Variants in FBN3 observed in about 807,000 individuals in gnomAD.
FBN3 encodes fibrillin-3.
A neutral mutation model predicts 330.1 loss-of-function variants in FBN3; 234 were observed. The ratio of observed to expected loss-of-function variants is 0.71; its 90% CI spans 0.64 to 0.79. FBN3 has a LOEUF of 0.79. FBN3 is among the 30% of genes least tolerant of loss of function. The pLI is 0.00. For missense variants in FBN3, 3,606 were observed against 3,886.9 expected (o/e 0.93, Z 1.92); for synonymous variants, 1,458 against 1,517.3 (o/e 0.96, Z 0.91).
At position 8,102,765 on chromosome 19, in the gene FBN3, G is replaced by A; in HGVS notation, c.5048C>T (p.Ala1683Val). 1 of 1,614,042 alleles carries A rather than the reference G, an allele frequency of 6.2e-7. No homozygotes were observed. Among genetic ancestry groups the A allele is most frequent in the Non-Finnish European group, 8.5e-7 (1 of 1,180,016 alleles). The change falls in exon 40 of 64, where the codon GCC (alanine) becomes GTC (valine). Residue 1683 changes from alanine (A) to valine (V), a missense_variant. By Grantham distance (64) the Ala-to-Val change is moderately conservative. Coordinates refer to ENST00000600128, the MANE Select transcript of FBN3 (RefSeq NM_032447.5). Reference protein sequence around the residue: ...MCCCSYNIGQAWNRPCEACPT... With the variant: ...MCCCSYNIGQVWNRPCEACPT... ...GCAGGCCTCACAGGGTCTATTCCAG[G>A]CCTGGCCAATGTTGTAGGAGCAGCA...
chr19:8,112,037 G>A lies in FBN3; in HGVS notation c.3901C>T (p.Pro1301Ser), dbSNP rs150945472. Residue 1301 changes from proline (P) to serine (S), a missense_variant, in exon 31 of 64, where the codon CCG becomes TCG. By Grantham distance (74) the Pro-to-Ser change is moderately conservative. Transcript: ENST00000600128. ...AGGCACCTACAGCTGAAACTCCCCG[G>A]GATGTTGAGACAGGAGGCGTGACTG... is the stretch of plus-strand genomic sequence containing the variant. ...CDSHASCLNI[P>S]GSFSCRCLPG... The A allele has an allele frequency of 6.2e-7, 1 of 1,612,526 alleles. No homozygotes were observed. Among genetic ancestry groups the A allele is most frequent in the Non-Finnish European group, 8.5e-7 (1 of 1,179,382 alleles).
At position 8,110,230 on chromosome 19, in the gene FBN3, T is replaced by C. The variant is rs1056979922; in HGVS notation, c.4334-477A>G. On this transcript the variant is annotated intron_variant, in intron 34 of 63. Transcript: ENST00000600128. ...ACCACAATGCCCAGCTAATTTTTTATTTTTACTTTTTAGAGATGAGGTCTC... is the reference window on the plus strand; with the variant it reads ...ACCACAATGCCCAGCTAATTTTTTACTTTTACTTTTTAGAGATGAGGTCTC... 1.5e-4 allele frequency among the ~76,000 whole-genome samples: 23 copies of C among 152,186 alleles called. No individual in the cohort carries two copies. In the East Asian group the frequency reaches 4.1e-3, roughly 27 times the overall value.
chr19:8,091,505 TG>T lies in FBN3; in HGVS notation c.5990del (p.Pro1997HisfsTer89), dbSNP rs761705640. 9.3e-6 allele frequency: 15 copies of T among 1,613,800 alleles called. No homozygotes were observed. Among genetic ancestry groups the T allele is most frequent in the Non-Finnish European group, 1.3e-5 (15 of 1,179,972 alleles). ...CATTGTCAGAGAGGACAAAGCCAGG[TG>T]GGCAGAGGCACTGGAAGCTCCCAGG... ...NSPGSFQCLCPPGFVLSDNGH... is the reference protein window; with the variant it reads ...NSPGSFQCLCXPGFVLSDNGH... On this transcript the variant is annotated frameshift_variant, in exon 48 of 64. Coordinates refer to ENST00000600128, the MANE Select transcript of FBN3 (RefSeq NM_032447.5). LOFTEE classifies it high-confidence loss of function.
In FBN3 at chr19:8,095,952, G is replaced by A. The variant is rs369346144; in HGVS notation, c.5656+12C>T. On this transcript the variant is annotated intron_variant, in intron 45 of 63. Coordinates refer to ENST00000600128, the MANE Select transcript of FBN3 (RefSeq NM_032447.5). ...CCACTTTGTGGCCAGCCTGCCACCT[G>A]AGCCGACTCACCCACACAATCCCCA... 2.5e-5 allele frequency: 39 copies of A among 1,577,358 alleles called. No individual in the cohort carries two copies. The Middle Eastern group carries it at 5.0e-4, about 20-fold the overall frequency.
chr19:8,118,242 TC>T (rs2082755880), intron 26 of FBN3, among the ~76,000 whole-genome samples: 1 of 151,968 alleles, frequency 6.6e-6, no homozygotes, highest in South Asian at 2.1e-4. Flanking sequence ...TGCATTTGCA[TC>T]CAACTACACA....
chr19:8,091,644 G>A, intron 47 of FBN3, 54 bp from the exon 48 acceptor site: 1 of 1,596,936 alleles, frequency 6.3e-7, no homozygotes, highest in Non-Finnish European at 8.6e-7. Context: ...CTCCATCAGT[G>A]GGGAGAGGAC....
intron 38 of FBN3, among the ~76,000 whole-genome samples, 182 bp from the exon 39 acceptor site, chr19:8,103,869 G>A (rs2082382549): frequency 6.6e-6 from 1 of 152,180 alleles, no homozygotes. Flanking sequence ...GGGCATGGTG[G>A]CTCATGCCTG....
intron 63 of FBN3, among the ~76,000 whole-genome samples, chr19:8,070,218 A>G (rs970797450): frequency 2.0e-5 from 3 of 152,240 alleles, no homozygotes; most frequent in Non-Finnish European, 4.4e-5. Context: ...TCTAATATAG[A>G]AAGCCTCTCA....
In FBN3 at chr19:8,138,505, C is replaced by T. The variant is rs868409562; in HGVS notation, c.925G>A (p.Ala309Thr). The T allele has an allele frequency of 6.8e-6, 11 of 1,612,598 alleles. No individual in the cohort carries two copies. Among genetic ancestry groups the T allele is most frequent in the South Asian group, 3.3e-5 (3 of 91,050 alleles). ...CACTGCCTGCGAGTGTAGTGGCCGG[C>T]GAGGTCTCCAGCACAGCGGCCCCCG... ...LFGGRCAGDLAGHYTRRQCCC... is the reference protein window; with the variant it reads ...LFGGRCAGDLTGHYTRRQCCC... The change falls in exon 9 of 64, where the codon GCC becomes ACC. Residue 309 changes from alanine to threonine, a missense_variant. By Grantham distance (58) the Ala-to-Thr change is moderately conservative. Transcript: ENST00000600128.
intron 57 of FBN3, among the ~76,000 whole-genome samples, chr19:8,082,420 GTTTC>G (rs1466416292): frequency 3.1e-5 from 4 of 127,948 alleles, no homozygotes; most frequent in South Asian, 5.1e-4. Flanking sequence ...CTTTCTCTTT[GTTTC>G]TTTCTCTCTC....
At position 8,136,397 on chromosome 19, in the gene FBN3, C is replaced by G; in HGVS notation, c.1336G>C (p.Glu446Gln). The change falls in exon 11 of 64, where the codon GAG becomes CAG. Residue 446 changes from glutamate (E) to glutamine (Q), a missense_variant. Physicochemically the swap from Glu to Gln is conservative, Grantham distance 29 (BLOSUM62 2). Coordinates refer to ENST00000600128, the MANE Select transcript of FBN3 (RefSeq NM_032447.5). ...CCTGGCCGCGGCTCACCAATGCACTCGCCGCGCACGTCCTGGGTGTAGCCC... is the reference window on the plus strand; with the variant it reads ...CCTGGCCGCGGCTCACCAATGCACTGGCCGCGCACGTCCTGGGTGTAGCCC... ...NVGYTQDVRG[E>Q]CIDVDECTSS... is the part of the protein sequence containing the mutation. 1 of 1,613,824 alleles carries G rather than the reference C, an allele frequency of 6.2e-7. No homozygotes were observed. Among genetic ancestry groups the G allele is most frequent in the Non-Finnish European group, 8.5e-7 (1 of 1,179,838 alleles).
chr19:8,113,982 C>T (rs1265394934), intron 30 of FBN3, among the ~76,000 whole-genome samples: 1 of 150,986 alleles, frequency 6.6e-6, no homozygotes, highest in Non-Finnish European at 1.5e-5. Context: ...CAGAGTGAGA[C>T]ACTATCTCAC....
chr19:8,108,981 G>A (rs2082512113), intron 36 of FBN3, among the ~76,000 whole-genome samples: 1 of 152,122 alleles, frequency 6.6e-6, no homozygotes, highest in Non-Finnish European at 1.5e-5. Context: ...AATATTTGTT[G>A]ACTGACTGAG....
intron 37 of FBN3, among the ~76,000 whole-genome samples, chr19:8,107,474 A>AGGATGGATGGAT (rs150449542): frequency 7.0e-6 from 1 of 143,124 alleles, no homozygotes; most frequent in East Asian, 2.3e-4. Context: ...GTCGAGTGGA[A>AGGATGGATGGAT]GGATGGATGG....
At chr19:8,142,808 C>G (rs1467903335) in intron 6 of FBN3, among the ~76,000 whole-genome samples, 4 of 151,334 alleles carry the variant, frequency 2.6e-5, no homozygotes, top group Middle Eastern at 3.2e-3. Context: ...CCCCCACCCC[C>G]CAGCTGTCCT....
chr19:8,076,606 T>TGGA (rs2081647988), intron 59 of FBN3, among the ~76,000 whole-genome samples: 1 of 152,070 alleles, frequency 6.6e-6, no homozygotes, highest in Non-Finnish European at 1.5e-5. Flanking sequence ...TCCACTGCAC[T>TGGA]CCAGTCTGGG....
intron 27 of FBN3, 78 bp from the exon 28 acceptor site, chr19:8,117,369 G>C (rs2082730157): frequency 6.5e-7 from 1 of 1,539,468 alleles, no homozygotes; most frequent in African/African-American, 1.4e-5. Context: ...TTGGGGGTGG[G>C]AGCAGAGTGG....
chr19:8,089,983 T>G (rs2082057609), intron 49 of FBN3, 24 bp from the exon 50 acceptor site: 1 of 1,593,240 alleles, frequency 6.3e-7, no homozygotes, highest in South Asian at 1.1e-5. Flanking sequence ...GGGAGGGGAG[T>G]CAGAGTCAGG....
chr19:8,142,509 C>T (rs1371713873), intron 6 of FBN3, among the ~76,000 whole-genome samples: 1 of 152,100 alleles, frequency 6.6e-6, no homozygotes, highest in East Asian at 1.9e-4. Context: ...AGTCCTTGAG[C>T]ACACGCCTGG....
Sources: gnomAD v4.1 joint callset for allele counts (sites outside exome capture counted in the v4.1 genomes callset) on GRCh38, gnomAD v4.1.1 for gene constraint, MANE v1.5 for transcripts, NCBI Gene and HGNC (gene_info 2026-07-23, HGNC 2026-07-21) for gene names.